Variants in SMARCA1 observed in about 807,000 individuals in gnomAD.
The protein encoded by SMARCA1 is SNF2 related chromatin remodeling ATPase 1, also known as SWI/SNF-related matrix-associated actin-dependent regulator of chromatin subfamily A member 1.
Under a neutral mutation model 93.6 loss-of-function variants are expected in SMARCA1, and 17 were observed. That is an observed-to-expected ratio of 0.18 (90% CI 0.12 to 0.27). The LOEUF is 0.27. SMARCA1 is among the 10% of genes least tolerant of loss of function. The pLI is 1.00. For missense variants in SMARCA1, 630 were observed against 819.0 expected (o/e 0.77, Z 2.82); for synonymous variants, 271 against 271.4 (o/e 1.00, Z 0.01).
intron 24 of SMARCA1, among the ~76,000 whole-genome samples, chrX:129,447,815 T>G (rs1219572837): frequency 8.9e-6 from 1 of 111,932 alleles, no homozygotes; most frequent in Non-Finnish European, 1.9e-5. Flanking sequence ...TTAAAGAATA[T>G]TTTAAATTAC....
At position 129,523,452 on chromosome X, in the gene SMARCA1, C is replaced by G; in HGVS notation, c.-82G>C. ...GCGGCAGTGGCTGCACTGGAAAGAGCTAGATGGAGCAGGGGTGGGGAATCA... is the reference window on the plus strand; with the variant it reads ...GCGGCAGTGGCTGCACTGGAAAGAGGTAGATGGAGCAGGGGTGGGGAATCA... On this transcript the variant is annotated 5_prime_UTR_variant, in exon 1 of 25. Coordinates refer to ENST00000371121, the MANE Select transcript of SMARCA1 (RefSeq NM_001282874.2). The G allele has an allele frequency of 2.5e-6, 2 of 813,835 alleles. No homozygotes were observed. The highest frequency in any genetic ancestry group is 2.1e-5 in the African/African-American group (1 of 48,155). The allele number at this position is 813,835 out of a possible 1,213,427, so 67.1% of individuals were successfully genotyped here. A position where few individuals can be genotyped will look rare whatever the true frequency, so the allele number is the denominator to read the frequency against.
chrX:129,501,603 C>T (rs1233637791), intron 9 of SMARCA1, among the ~76,000 whole-genome samples: 5 of 103,090 alleles, frequency 4.9e-5, no homozygotes, highest in Non-Finnish European at 7.9e-5. Context: ...GCCCGCCAAA[C>T]TTTTTTTGGG....
intron 23 of SMARCA1, among the ~76,000 whole-genome samples, chrX:129,464,676 C>T (rs1389165235): frequency 3.6e-5 from 4 of 112,190 alleles, no homozygotes; most frequent in Non-Finnish European, 5.6e-5. Context: ...TTAAGTCATT[C>T]GCATAGTCTC....
chrX:129,523,062 G>A, intron 1 of SMARCA1, 135 bp downstream of exon 1: 1 of 692,595 alleles, frequency 1.4e-6, no homozygotes, highest in Non-Finnish European at 2.1e-6. Context: ...TTCCGCCGCC[G>A]ACCCCCGCAC....
At chrX:129,465,365 G>A (rs914723919) in intron 23 of SMARCA1, among the ~76,000 whole-genome samples, 155 bp downstream of exon 23, 8 of 111,515 alleles carry the variant, frequency 7.2e-5, no homozygotes, top group African/African-American at 2.6e-4. Context: ...GTATATATAG[G>A]TGCTACGTAT....
intron 7 of SMARCA1, among the ~76,000 whole-genome samples, chrX:129,507,698 C>CA (rs1453299299): frequency 8.9e-6 from 1 of 112,059 alleles, no homozygotes; most frequent in Non-Finnish European, 1.9e-5. Flanking sequence ...GGACTACAGG[C>CA]ATGCACCACC....
chrX:129,506,689 C>CAAAAAAA (rs1484081895), intron 7 of SMARCA1, among the ~76,000 whole-genome samples: 5 of 46,502 alleles, frequency 1.1e-4, no homozygotes, highest in African/African-American at 2.6e-4. Flanking sequence ...AACTCCGTCT[C>CAAAAAAA]AAAAAAAAAA....
At chrX:129,487,788 A>T (rs1381311925) in intron 16 of SMARCA1, among the ~76,000 whole-genome samples, 1 of 112,658 alleles carries the variant, frequency 8.9e-6, no homozygotes, top group African/African-American at 3.2e-5. Flanking sequence ...ATTCTGATTT[A>T]AAAATGAAAA....
chrX:129,459,555 G>C (rs182941840), intron 23 of SMARCA1, among the ~76,000 whole-genome samples: 118 of 112,427 alleles, frequency 1.0e-3, no homozygotes, highest in African/African-American at 3.7e-3. Flanking sequence ...GTACCAAATC[G>C]AACACTATTG....
intron 1 of SMARCA1, 78 bp from the exon 2 acceptor site, chrX:129,518,525 A>C (rs1452795290): frequency 3.6e-6 from 2 of 548,766 alleles, no homozygotes; most frequent in Non-Finnish European, 6.0e-6. Context: ...CATTAGAAGA[A>C]GGCGGAAAGT....
Position 129,487,141 on chromosome X carries a change from A to G in SMARCA1, c.2098-4T>C, listed in dbSNP as rs2124266080. On this transcript the variant is annotated splice_region_variant and splice_polypyrimidine_tract_variant and intron_variant, in intron 16 of 24. Transcript: ENST00000371121. ...GGCGTTCATTCATCTCTGCAGTCTA[A>G]AGGTGAAAACATTGAAATGAGAAAA... The G allele has an allele frequency of 1.7e-6, 2 of 1,149,121 alleles. No individual in the cohort carries two copies. Among genetic ancestry groups the G allele is most frequent in the East Asian group, 3.0e-5 (1 of 32,875 alleles). 94.7% of individuals were successfully genotyped at this position (1,149,121 alleles called of 1,213,427 possible).
chrX:129,514,351 G>A (rs1165224251), intron 5 of SMARCA1, among the ~76,000 whole-genome samples: 1 of 110,643 alleles, frequency 9.0e-6, no homozygotes, highest in African/African-American at 3.3e-5. Flanking sequence ...TCCCCCTTTA[G>A]CTGATGAATT....
chrX:129,450,291 C>T (rs750743526), intron 23 of SMARCA1, among the ~76,000 whole-genome samples: 63 of 112,028 alleles, frequency 5.6e-4, no homozygotes, highest in African/African-American at 2.0e-3. Context: ...GAGAATGCCA[C>T]GTGCAGAAGG....
At chrX:129,468,401 C>T (rs1251981447) in intron 21 of SMARCA1, among the ~76,000 whole-genome samples, 1 of 111,787 alleles carries the variant, frequency 8.9e-6, no homozygotes, top group Non-Finnish European at 1.9e-5. Context: ...ACTTTAAGGA[C>T]GACCTAGAAA....
At chrX:129,449,811 C>G (rs1932199653) in intron 23 of SMARCA1, among the ~76,000 whole-genome samples, 1 of 108,267 alleles carries the variant, frequency 9.2e-6, no homozygotes, top group Non-Finnish European at 1.9e-5. Flanking sequence ...GGTCAAAGTA[C>G]AGGAATAGAA....
chrX:129,468,322 G>T (rs947200583), intron 21 of SMARCA1, among the ~76,000 whole-genome samples: 1 of 111,933 alleles, frequency 8.9e-6, no homozygotes, highest in Admixed American at 9.5e-5. Context: ...GGACCCACAG[G>T]AACTCTCTGG....
chrX:129,499,162 C>G (rs1342896107), intron 10 of SMARCA1, among the ~76,000 whole-genome samples: 2 of 111,247 alleles, frequency 1.8e-5, no homozygotes, highest in Non-Finnish European at 3.8e-5. Context: ...CTCAGCCTCT[C>G]ATGTAGCTGG....
At chrX:129,520,924 T>C (rs961516127) in intron 1 of SMARCA1, among the ~76,000 whole-genome samples, 4 of 111,862 alleles carry the variant, frequency 3.6e-5, no homozygotes, top group Non-Finnish European at 5.6e-5. Context: ...GTTGCTCAGG[T>C]TGGAGTGCAG....
chrX:129,494,454 A>G (rs114420086), intron 12 of SMARCA1, among the ~76,000 whole-genome samples: 2,564 of 111,739 alleles, frequency 0.023, 83 homozygotes, highest in African/African-American at 0.078. Flanking sequence ...TTCCCCATAG[A>G]GGTAGCAGTA....
Sources: gnomAD v4.1 joint callset for allele counts (sites outside exome capture counted in the v4.1 genomes callset) on GRCh38, gnomAD v4.1.1 for gene constraint, MANE v1.5 for transcripts, NCBI Gene and HGNC (gene_info 2026-07-23, HGNC 2026-07-21) for gene names.